Variants in BBS9 observed in about 807,000 individuals in gnomAD.
BBS9 encodes Bardet-Biedl syndrome 9.
BBS9 carries 89 observed loss-of-function variants against 117.7 expected under a neutral mutation model. The ratio of observed to expected loss-of-function variants is 0.76; its 90% CI spans 0.64 to 0.90. The LOEUF (loss-of-function observed/expected upper bound fraction) is 0.90, where lower values mean the gene tolerates loss of function less well. BBS9 is among the 40% of genes least tolerant of loss of function. The probability of loss-of-function intolerance (pLI) is 0.00; values close to 1 mark genes in which losing one functional copy is unlikely to be tolerated. For missense variants in BBS9, 982 were observed against 1,042.2 expected (o/e 0.94, Z 0.80); for synonymous variants, 379 against 370.9 (o/e 1.02, Z -0.25).
At chr7:33,526,108 T>C (rs9801419) in intron 20 of BBS9, among the ~76,000 whole-genome samples, 82,346 of 149,418 alleles carry the variant, frequency 0.55, 23,891 homozygotes, top group African/African-American at 0.73. Flanking sequence ...GGGTTTCTGC[T>C]GAGAGATCCG....
At chr7:33,426,038 A>G (rs948233739) in intron 19 of BBS9, among the ~76,000 whole-genome samples, 2 of 151,654 alleles carry the variant, frequency 1.3e-5, no homozygotes, top group African/African-American at 4.8e-5. Flanking sequence ...AGAAGTTTAT[A>G]AGGTCCAGTT....
At chr7:33,401,580 A>G (rs556447986) in intron 19 of BBS9, among the ~76,000 whole-genome samples, 4 of 152,296 alleles carry the variant, frequency 2.6e-5, no homozygotes, top group East Asian at 1.9e-4. Context: ...CTTCCAGGTC[A>G]TAGGTGAATT....
At chr7:33,311,500 C>A (rs906188521) in intron 9 of BBS9, among the ~76,000 whole-genome samples, 10 of 152,186 alleles carry the variant, frequency 6.6e-5, no homozygotes, top group Admixed American at 2.6e-4. Flanking sequence ...ATCTCTCACT[C>A]TGTATATTCT....
intron 9 of BBS9, among the ~76,000 whole-genome samples, chr7:33,279,733 C>A (rs975500172): frequency 6.6e-6 from 1 of 152,072 alleles, no homozygotes; most frequent in African/African-American, 2.4e-5. Context: ...AAATCTCATT[C>A]TCAATTAAAT....
intron 15 of BBS9, among the ~76,000 whole-genome samples, chr7:33,356,811 T>C (rs1306911390): frequency 6.6e-6 from 1 of 151,830 alleles, no homozygotes; most frequent in Non-Finnish European, 1.5e-5. Context: ...CTTCTGCTTT[T>C]GCTATTTTTA....
At chr7:33,547,630 G>A (rs957181913) in intron 21 of BBS9, among the ~76,000 whole-genome samples, 1 of 152,138 alleles carries the variant, frequency 6.6e-6, no homozygotes, top group African/African-American at 2.4e-5. Flanking sequence ...AGGGGTAAAT[G>A]GTCAGGTTAT....
Position 33,505,495 on chromosome 7 carries a change from C to A in BBS9, c.2148C>A (p.Asn716Lys), listed in dbSNP as rs1467787080. The stretch of plus-strand genomic sequence containing the variant: ...CTCTAGCAGATGCAGTGGAGGAAAA[C>A]CAAGGCAATCTGTTCCAGTCATTCA... ...VIALADAVEENQGNLFQSFTR... is the reference protein window; with the variant it reads ...VIALADAVEEKQGNLFQSFTR... The change falls in exon 20 of 23, where the codon AAC (asparagine) becomes AAA (lysine). Residue 716 changes from asparagine (N) to lysine (K), a missense_variant. Coordinates refer to ENST00000242067, the MANE Select transcript of BBS9 (RefSeq NM_198428.3). 6.2e-7 allele frequency: 1 copy of A among 1,614,122 alleles called. No individual in the cohort carries two copies. The highest frequency in any genetic ancestry group is 2.2e-5 in the East Asian group (1 of 44,882).
chr7:33,170,678 T>C (rs1467407399), intron 4 of BBS9, among the ~76,000 whole-genome samples: 1 of 149,392 alleles, frequency 6.7e-6, no homozygotes, highest in Non-Finnish European at 1.5e-5. Flanking sequence ...TGTTTGCGGA[T>C]GACATGATTG....
chr7:33,304,675 A>G (rs950955949), intron 9 of BBS9, among the ~76,000 whole-genome samples: 2 of 152,138 alleles, frequency 1.3e-5, no homozygotes, highest in African/African-American at 4.8e-5. Context: ...CATGATGACG[A>G]TGGCGGTTTT....
intron 20 of BBS9, among the ~76,000 whole-genome samples, chr7:33,517,926 T>A (rs1848038990): frequency 6.6e-6 from 1 of 152,234 alleles, no homozygotes; most frequent in Admixed American, 6.5e-5. Flanking sequence ...TGTAGTTATA[T>A]GTGCATGTGC....
intron 5 of BBS9, among the ~76,000 whole-genome samples, chr7:33,201,753 T>C (rs1458932155): frequency 6.6e-6 from 1 of 152,158 alleles, no homozygotes; most frequent in African/African-American, 2.4e-5. Context: ...ACATAGAGTC[T>C]TTAATTCACC....
chr7:33,434,057 C>A (rs1584811166), intron 19 of BBS9, among the ~76,000 whole-genome samples: 2 of 151,740 alleles, frequency 1.3e-5, no homozygotes, highest in African/African-American at 4.8e-5. Context: ...ATTATTGTAT[C>A]ATTTTCAACC....
intron 4 of BBS9, among the ~76,000 whole-genome samples, chr7:33,174,070 C>G (rs1796986999): frequency 6.7e-6 from 1 of 149,108 alleles, no homozygotes; most frequent in South Asian, 2.1e-4. Context: ...ATTATCAGAT[C>G]CAGTCTGATC....
intron 21 of BBS9, among the ~76,000 whole-genome samples, chr7:33,589,086 G>C (rs1036725800): frequency 2.6e-5 from 4 of 152,148 alleles, no homozygotes; most frequent in African/African-American, 9.7e-5. Context: ...AAAATGGGCA[G>C]TCCAGTTTAA....
At chr7:33,481,847 A>G (rs1842551923) in intron 19 of BBS9, among the ~76,000 whole-genome samples, 1 of 152,182 alleles carries the variant, frequency 6.6e-6, no homozygotes, top group Non-Finnish European at 1.5e-5. Context: ...GGTCTTAATA[A>G]AGGGGATAAA....
At chr7:33,320,760 G>GT (rs1424286874) in intron 9 of BBS9, among the ~76,000 whole-genome samples, 1 of 151,630 alleles carries the variant, frequency 6.6e-6, no homozygotes, top group South Asian at 2.1e-4. Flanking sequence ...TTGTTATTGC[G>GT]TGACTTTTAG....
chr7:33,418,524 C>T (rs1832363546), intron 19 of BBS9, among the ~76,000 whole-genome samples: 1 of 152,122 alleles, frequency 6.6e-6, no homozygotes, highest in Non-Finnish European at 1.5e-5. Flanking sequence ...ACCATTTTCG[C>T]TCAATTAGTT....
intron 17 of BBS9, among the ~76,000 whole-genome samples, chr7:33,370,899 G>A (rs1822740950): frequency 6.6e-6 from 1 of 152,058 alleles, no homozygotes; most frequent in South Asian, 2.1e-4. Flanking sequence ...GAATTTAGAA[G>A]AGTTTAAAAG....
Position 33,225,481 on chromosome 7 carries a change from G to A in BBS9, c.443-31755G>A, listed in dbSNP as rs139424500. Among the ~76,000 whole-genome samples the A allele has an allele frequency of 1.7e-3, 256 of 152,284 alleles. 2 individuals carry two copies. The highest frequency in any genetic ancestry group is 1.7e-3 in the East Asian group (9 of 5,174). On this transcript the variant is annotated intron_variant, in intron 5 of 22. Transcript: ENST00000242067. ...CCCAAAGTGCTGGGATTATGGACAT[G>A]TGCCACTGCACTCATCTGAAGTTAT... is the stretch of plus-strand genomic sequence containing the variant.
Sources: allele counts gnomAD v4.1 joint callset (sites outside exome capture counted in the v4.1 genomes callset), GRCh38; gene constraint gnomAD v4.1.1; transcripts MANE v1.5; gene names NCBI Gene and HGNC (gene_info 2026-07-23, HGNC 2026-07-21).